Variants in PDZD2 observed in about 807,000 individuals in gnomAD.
The protein encoded by PDZD2 is PDZ domain-containing protein 2.
PDZD2 carries 90 observed loss-of-function variants against 220.7 expected under a neutral mutation model. That is an observed-to-expected ratio of 0.41 (90% CI 0.34 to 0.49). The LOEUF (loss-of-function observed/expected upper bound fraction) is 0.49, where lower values mean the gene tolerates loss of function less well. PDZD2 is among the 20% of genes least tolerant of loss of function. The pLI, the probability that PDZD2 is intolerant of heterozygous loss-of-function variation, is 0.28. For synonymous variants in PDZD2, 1,375 were observed against 1,450.5 expected, an observed-to-expected ratio of 0.95 and a Z score of 1.18; for missense variants, 3,174 against 3,608.5, an observed-to-expected ratio of 0.88 and a Z score of 3.08.
chr5:32,022,067 T>TG (rs1214891547), intron 6 of PDZD2, among the ~76,000 whole-genome samples: 2 of 152,226 alleles, frequency 1.3e-5, no homozygotes, highest in East Asian at 3.8e-4. Flanking sequence ...CTGGGTGCTT[T>TG]GGGGATACAG....
chr5:32,008,647 A>G (rs558116144), intron 5 of PDZD2, among the ~76,000 whole-genome samples: 1 of 152,262 alleles, frequency 6.6e-6, no homozygotes, highest in South Asian at 2.1e-4. Flanking sequence ...GAAGGAGGAG[A>G]TCATGGATAT....
intron 1 of PDZD2, among the ~76,000 whole-genome samples, chr5:31,797,020 C>T (rs1321293046): frequency 1.3e-5 from 2 of 150,924 alleles, no homozygotes; most frequent in Admixed American, 6.6e-5. Flanking sequence ...CTCCGCTTCC[C>T]GGGTTCACGC....
chr5:31,886,026 A>G lies in PDZD2; in HGVS notation c.476+86302A>G, dbSNP rs183620215. Among the ~76,000 whole-genome samples the G allele has an allele frequency of 2.0e-4, 31 of 152,014 alleles. No homozygotes were observed. The East Asian group carries it at 5.4e-3, about 27-fold the overall frequency. On this transcript the variant is annotated intron_variant, in intron 2 of 24. Transcript: ENST00000438447. ...GTGATTCTCCTGCATCAGCCTCCCA[A>G]GTAGCTGGGATTACAGGCACCCACC...
chr5:31,984,480 T>A (rs1229627680), intron 3 of PDZD2, among the ~76,000 whole-genome samples: 1 of 152,210 alleles, frequency 6.6e-6, no homozygotes, highest in Non-Finnish European at 1.5e-5. Flanking sequence ...GACTGGTTTC[T>A]TCTCTGACTC....
intron 1 of PDZD2, among the ~76,000 whole-genome samples, chr5:31,761,820 C>G (rs181254611): frequency 3.3e-5 from 5 of 150,236 alleles, no homozygotes; most frequent in African/African-American, 1.2e-4. Context: ...AAGATCACAC[C>G]GCTGCACTCC....
intron 1 of PDZD2, among the ~76,000 whole-genome samples, chr5:31,736,118 T>C (rs1749845806): frequency 6.6e-6 from 1 of 152,234 alleles, no homozygotes; most frequent in South Asian, 2.1e-4. Flanking sequence ...TGTTTTGCTA[T>C]GCAGTTTTCA....
rs903163481 is a variant in PDZD2 at position 32,012,610 on chromosome 5, A to G, written c.1407+2128A>G. On this transcript the variant is annotated intron_variant, in intron 6 of 24. Transcript: ENST00000438447. ...ACTGTGTTGCCCAGGCTGGTCTCGA[A>G]CTCCTGAGCTCAGGCAATCCACCTG... Among the ~76,000 whole-genome samples, 27 of 151,606 alleles carry G rather than the reference A, an allele frequency of 1.8e-4. 1 individual carries two copies. The highest frequency in any genetic ancestry group is 1.6e-3 in the Admixed American group (24 of 15,160).
At chr5:31,807,352 C>T (rs1395279246) in intron 2 of PDZD2, among the ~76,000 whole-genome samples, 2 of 152,186 alleles carry the variant, frequency 1.3e-5, no homozygotes, top group Non-Finnish European at 2.9e-5. Flanking sequence ...CAGGTGACCT[C>T]AGCCACAGGC....
At chr5:31,688,516 C>A (rs116834655) in intron 1 of PDZD2, among the ~76,000 whole-genome samples, 9 of 152,170 alleles carry the variant, frequency 5.9e-5, no homozygotes, top group Non-Finnish European at 1.3e-4. Context: ...GCAAAACCCA[C>A]GGGGTCAGGT....
chr5:31,717,041 T>C (rs1164826951), intron 1 of PDZD2, among the ~76,000 whole-genome samples: 6 of 151,990 alleles, frequency 3.9e-5, no homozygotes, highest in African/African-American at 1.2e-4. Flanking sequence ...TCTCTAAGAA[T>C]TGGCTAGCTC....
chr5:31,786,980 T>C (rs1024003547), intron 1 of PDZD2, among the ~76,000 whole-genome samples: 5 of 152,158 alleles, frequency 3.3e-5, no homozygotes, highest in Non-Finnish European at 2.9e-5. Flanking sequence ...TATCCTGTTT[T>C]TAAAAAAAAT....
intron 1 of PDZD2, among the ~76,000 whole-genome samples, chr5:31,687,719 C>T (rs564284010): frequency 3.9e-5 from 6 of 152,294 alleles, no homozygotes; most frequent in Admixed American, 3.3e-4. Context: ...TGTGCCAACA[C>T]GGCCGGGTTC....
intron 1 of PDZD2, among the ~76,000 whole-genome samples, chr5:31,706,278 G>T (rs1747816813): frequency 6.6e-6 from 1 of 152,170 alleles, no homozygotes; most frequent in Non-Finnish European, 1.5e-5. Context: ...TGTAGACAAA[G>T]CACATGGAGT....
At chr5:31,995,745 C>A in intron 4 of PDZD2, 27 bp downstream of exon 4, 1 of 1,603,094 alleles carries the variant, frequency 6.2e-7, no homozygotes, top group East Asian at 2.2e-5. Flanking sequence ...CCCCTCTCCC[C>A]CATCCCTCTG....
At chr5:31,888,445 G>A (rs62361611) in intron 2 of PDZD2, among the ~76,000 whole-genome samples, 5,518 of 152,272 alleles carry the variant, frequency 0.036, 131 homozygotes, top group Middle Eastern at 0.078. Flanking sequence ...GCCTGCCTCC[G>A]CCTCCCAAAG....
At chr5:31,714,166 C>G (rs1561400772) in intron 1 of PDZD2, among the ~76,000 whole-genome samples, 1 of 152,304 alleles carries the variant, frequency 6.6e-6, no homozygotes, top group East Asian at 1.9e-4. Context: ...GGTTTGTAGC[C>G]ACTAGGTTGG....
In PDZD2 at chr5:31,799,001, C is replaced by T. The variant is rs1008296359; in HGVS notation, c.-248C>T. The T allele has an allele frequency of 2.1e-6, 1 of 486,554 alleles. No homozygotes were observed. Among genetic ancestry groups the T allele is most frequent in the Admixed American group, 3.3e-5 (1 of 29,896 alleles). The allele number at this position is 486,554 out of a possible 1,614,324, so 30.1% of individuals were successfully genotyped here. A position where few individuals can be genotyped will look rare whatever the true frequency, so the allele number is the denominator to read the frequency against. On this transcript the variant is annotated 5_prime_UTR_variant, in exon 2 of 25. Transcript: ENST00000438447. ...GAACCTGGCAGGGACTTGTTAGACA[C>T]TTCCTTCCTTCCCTCATTGAGCACT...
At chr5:32,072,944 A>G (rs577068203) in intron 17 of PDZD2, among the ~76,000 whole-genome samples, 60 of 152,286 alleles carry the variant, frequency 3.9e-4, no homozygotes, top group African/African-American at 1.4e-3. Flanking sequence ...TTCCCTCACC[A>G]GGCCCTAGCT....
intron 19 of PDZD2, among the ~76,000 whole-genome samples, chr5:32,081,107 C>T (rs1741908808): frequency 6.6e-6 from 1 of 151,942 alleles, no homozygotes; most frequent in Non-Finnish European, 1.5e-5. Context: ...CGGGTTTGTA[C>T]CTTAAGTAAG....
Sources: gnomAD v4.1 joint callset for allele counts (sites outside exome capture counted in the v4.1 genomes callset) on GRCh38, gnomAD v4.1.1 for gene constraint, MANE v1.5 for transcripts, NCBI Gene and HGNC (gene_info 2026-07-23, HGNC 2026-07-21) for gene names.